Variants in AP2A1 observed in about 807,000 individuals in gnomAD.
AP2A1 encodes the protein AP-2 complex subunit alpha-1.
Under a neutral mutation model 107.3 loss-of-function variants are expected in AP2A1, and 21 were observed. The ratio of observed to expected loss-of-function variants is 0.20; its 90% CI spans 0.14 to 0.28. The LOEUF is 0.28. AP2A1 is among the 10% of genes least tolerant of loss of function. The pLI, the probability that AP2A1 is intolerant of heterozygous loss-of-function variation, is 1.00. For synonymous variants in AP2A1, 602 were observed against 564.8 expected, an observed-to-expected ratio of 1.07 and a Z score of -0.93; for missense variants, 873 against 1,307.7, an observed-to-expected ratio of 0.67 and a Z score of 5.13.
At chr19:49,804,419 T>C (rs1568589675) in intron 18 of AP2A1, 2 of 151,446 alleles carry the variant, frequency 1.3e-5, no homozygotes, top group Non-Finnish European at 2.9e-5. Flanking sequence ...TGGGCGCCTG[T>C]AGTCCCAGCT....
At position 49,798,900 on chromosome 19, in the gene AP2A1, G is replaced by T. The variant is rs191992412; in HGVS notation, c.913G>T (p.Ala305Ser). The T allele has an allele frequency of 3.2e-6, 5 of 1,565,446 alleles. No individual in the cohort carries two copies. Among genetic ancestry groups the T allele is most frequent in the Non-Finnish European group, 4.3e-6 (5 of 1,155,220 alleles). ...ATCCAAGAAGGTGCAGCATTCCAAC[G>T]CCAAGAACGCCATCCTCTTCGAGAC... ...PKSKKVQHSN[A>S]KNAILFETIS... is the part of the protein sequence containing the mutation. Residue 305 changes from alanine (A) to serine (S), a missense_variant, in exon 8 of 23, where the codon GCC (alanine) becomes TCC (serine). Physicochemically the swap from Ala to Ser is moderately conservative, Grantham distance 99 (BLOSUM62 1). This residue lies in a region of AP2A1 where 213 missense variants were observed against 443.5 expected (regional missense o/e 0.48). Coordinates refer to ENST00000354293, the MANE Select transcript of AP2A1 (RefSeq NM_130787.3).
chr19:49,786,619 G>A (rs2084740368), intron 4 of AP2A1, among the ~76,000 whole-genome samples: 1 of 152,330 alleles, frequency 6.6e-6, no homozygotes, highest in South Asian at 2.1e-4. Context: ...TCATGATCAG[G>A]GGTGTGGGAG....
Position 49,805,422 on chromosome 19 carries a change from C to G in AP2A1, c.2345-31C>G, listed in dbSNP as rs549759928. 1.5e-4 allele frequency: 222 copies of G among 1,512,882 alleles called. 1 individual carries two copies. In the South Asian group the frequency reaches 2.7e-3, roughly 18 times the overall value. 93.7% of individuals were successfully genotyped at this position (1,512,882 alleles called of 1,614,324 possible). On this transcript the variant is annotated intron_variant, in intron 18 of 22. Transcript: ENST00000354293. Reference sequence around the variant, plus strand: ...CAGACCTCCCGGGGGCCCACCTCCTCTGTCTGGCTTCCTTGACTCCTGGCG... The same window carrying G: ...CAGACCTCCCGGGGGCCCACCTCCTGTGTCTGGCTTCCTTGACTCCTGGCG...
intron 1 of AP2A1, among the ~76,000 whole-genome samples, chr19:49,780,266 T>C (rs544277359): frequency 6.6e-6 from 1 of 152,342 alleles, no homozygotes; most frequent in East Asian, 1.9e-4. Flanking sequence ...CAGAGAGGAC[T>C]TCTTGAAAAA....
intron 1 of AP2A1, among the ~76,000 whole-genome samples, chr19:49,771,700 C>T (rs534718767): frequency 4.6e-5 from 7 of 152,150 alleles, no homozygotes; most frequent in South Asian, 2.1e-4. Context: ...TGAGCCACCG[C>T]GCCTGGCCGT....
intron 11 of AP2A1, 84 bp downstream of exon 11, chr19:49,800,234 A>C: frequency 6.9e-7 from 1 of 1,446,852 alleles, no homozygotes; most frequent in Non-Finnish European, 9.3e-7. Flanking sequence ...GGCGCCTGCC[A>C]GCCCGCAGCC....
intron 7 of AP2A1, 35 bp downstream of exon 7, chr19:49,795,773 G>A (rs904272837): frequency 1.4e-6 from 2 of 1,455,478 alleles, no homozygotes; most frequent in East Asian, 2.5e-5. Context: ...ACCCGGGGTG[G>A]CCTGCTGCTG....
chr19:49,798,334 G>A (rs547806053), intron 7 of AP2A1, among the ~76,000 whole-genome samples: 1 of 152,190 alleles, frequency 6.6e-6, no homozygotes, highest in Non-Finnish European at 1.5e-5. Flanking sequence ...TGTGCCTGCA[G>A]TGGCCTCTTG....
chr19:49,782,935 C>T (rs555543480), intron 4 of AP2A1, among the ~76,000 whole-genome samples: 7 of 152,204 alleles, frequency 4.6e-5, no homozygotes, highest in Admixed American at 2.0e-4. Flanking sequence ...AGGCTGCTCC[C>T]GGCAAAGCCA....
intron 18 of AP2A1, chr19:49,803,727 C>A: frequency 2.6e-6 from 1 of 377,416 alleles, no homozygotes; most frequent in Non-Finnish European, 5.1e-6. Context: ...CGGGTCCAGA[C>A]GCTGATCAGG....
chr19:49,774,298 G>A (rs2084595065), intron 1 of AP2A1, among the ~76,000 whole-genome samples: 1 of 152,110 alleles, frequency 6.6e-6, no homozygotes, highest in African/African-American at 2.4e-5. Context: ...CTGGCCTCAT[G>A]GCACTGGTGT....
chr19:49,801,005 C>T lies in AP2A1; in HGVS notation c.1500C>T (p.Gly500=). 6 of 1,607,328 alleles carry T rather than the reference C, an allele frequency of 3.7e-6. No homozygotes were observed. The highest frequency in any genetic ancestry group is 1.7e-5 in the Admixed American group (1 of 59,140). Residue 500 remains glycine (G), a synonymous_variant, in exon 12 of 23, where the codon GGC becomes GGT. Transcript: ENST00000354293. ...PACHENMVKV[G]GYILGEFGNL... is the part of the protein sequence containing the mutation. Reference sequence around the variant, plus strand: ...GTCACGAGAACATGGTGAAGGTTGGCGGCTACATCCTTGGGGAGTTTGGGA... The same window carrying T: ...GTCACGAGAACATGGTGAAGGTTGGTGGCTACATCCTTGGGGAGTTTGGGA...
intron 9 of AP2A1, 25 bp from the exon 10 acceptor site, chr19:49,799,604 C>A: frequency 6.2e-7 from 1 of 1,605,202 alleles, no homozygotes; most frequent in Non-Finnish European, 8.5e-7. Context: ...CTAAAACACA[C>A]CTGGGCTCTG....
Position 49,801,526 on chromosome 19 carries a change from C to T in AP2A1, c.1690C>T (p.Arg564Trp). 1 of 1,613,586 alleles carries T rather than the reference C, an allele frequency of 6.2e-7. No homozygotes were observed. Among genetic ancestry groups the T allele is most frequent in the Non-Finnish European group, 8.5e-7 (1 of 1,179,838 alleles). ...ETKATIQGVL[R>W]AGSQLRNADV... is the part of the protein sequence containing the mutation. ...CAAGGCCACCATCCAGGGCGTCCTG[C>T]GGGCCGGCTCCCAGCTGCGCAATGC... is the stretch of plus-strand genomic sequence containing the variant. Residue 564 changes from arginine (R) to tryptophan (W), a missense_variant, in exon 13 of 23, where the codon CGG becomes TGG. Around this residue, in one of 4 missense-constraint regions of AP2A1, gnomAD observed 213 missense variants for 443.5 expected, o/e 0.48. Coordinates refer to ENST00000354293, the MANE Select transcript of AP2A1 (RefSeq NM_130787.3).
rs769846061 is a variant in AP2A1 at position 49,807,033 on chromosome 19, C to A, written c.*275C>A. The A allele has an allele frequency of 4.6e-6, 7 of 1,519,914 alleles. No homozygotes were observed. The highest frequency in any genetic ancestry group is 6.2e-6 in the Non-Finnish European group (7 of 1,134,060). The allele number at this position is 1,519,914 out of a possible 1,614,324, so 94.2% of individuals were successfully genotyped here. ...GTGGATGTCTCCTCCCCTCCCACCC[C>A]ACCCTGTTGTAGCCCCTCCTACCCC... is the stretch of plus-strand genomic sequence containing the variant. On this transcript the variant is annotated 3_prime_UTR_variant, in exon 23 of 23. Transcript: ENST00000354293.
rs1258259021 is a variant in AP2A1, at chr19:49,802,174, G to A, written c.2114+33G>A. The stretch of plus-strand genomic sequence containing the variant: ...CCCCTGGGCCCGGGCCCCTTCTCGC[G>A]GCCACCCCCAGGGCTGTCCCTTCTC... On this transcript the variant is annotated intron_variant, in intron 15 of 22. Coordinates refer to ENST00000354293, the MANE Select transcript of AP2A1 (RefSeq NM_130787.3). 16 of 1,518,310 alleles carry A rather than the reference G, an allele frequency of 1.1e-5. No homozygotes were observed. In the East Asian group the frequency reaches 2.4e-4, roughly 23 times the overall value. The allele number at this position is 1,518,310 out of a possible 1,614,324, so 94.1% of individuals were successfully genotyped here.
rs1422114000 is a variant in AP2A1 at position 49,802,397 on chromosome 19, C to G, written c.2114+256C>G. ...TTTCCTGTCACCGTTTCTCAGCCTG[C>G]TCTTCCTTTTCTCCTTCTCTCCTTC... is the stretch of plus-strand genomic sequence containing the variant. On this transcript the variant is annotated intron_variant, in intron 15 of 22. Transcript: ENST00000354293. 7 of 976,858 alleles carry G rather than the reference C, an allele frequency of 7.2e-6. No homozygotes were observed. In the East Asian group the frequency reaches 1.3e-4, roughly 18 times the overall value. 60.5% of individuals were successfully genotyped at this position (976,858 alleles called of 1,614,324 possible).
rs2073249820 is a variant in AP2A1, at chr19:49,799,468, C to T, written c.1107C>T (p.His369=). Residue 369 remains histidine (H), a synonymous_variant, in exon 9 of 23, where the codon CAC becomes CAT. Transcript: ENST00000354293. ...TCTCCCATGAAGCCGTCAAGACGCA[C>T]ATTGACACCGTCATCAATGCCCTCA... ...SEFSHEAVKT[H]IDTVINALKT... is the part of the protein sequence containing the mutation. The T allele has an allele frequency of 1.2e-6, 2 of 1,611,774 alleles. No homozygotes were observed. Among genetic ancestry groups the T allele is most frequent in the Non-Finnish European group, 1.7e-6 (2 of 1,179,470 alleles).
Position 49,767,215 on chromosome 19 carries a change from G to A in AP2A1, c.67+15G>A. The A allele has an allele frequency of 6.2e-7, 1 of 1,610,816 alleles. No homozygotes were observed. The highest frequency in any genetic ancestry group is 8.5e-7 in the Non-Finnish European group (1 of 1,179,568). The stretch of plus-strand genomic sequence containing the variant: ...CATCCGGAACTGTGAGCGCGCGGCC[G>A]GGGGACACTGGAGACGCGGGGGAGG... On this transcript the variant is annotated intron_variant, in intron 1 of 22. Coordinates refer to ENST00000354293, the MANE Select transcript of AP2A1 (RefSeq NM_130787.3).
Sources: gnomAD v4.1 joint callset for allele counts (sites outside exome capture counted in the v4.1 genomes callset) on GRCh38, gnomAD v4.1.1 for gene constraint, gnomAD v4.1.1 regional missense constraint, MANE v1.5 for transcripts, NCBI Gene and HGNC (gene_info 2026-07-23, HGNC 2026-07-21) for gene names.